Variants in CREG2 observed in about 807,000 individuals in gnomAD.
CREG2 encodes protein CREG2.
Under a neutral mutation model 26.2 loss-of-function variants are expected in CREG2, and 24 were observed. The ratio of observed to expected loss-of-function variants is 0.92; its 90% CI spans 0.66 to 1.29. The LOEUF (loss-of-function observed/expected upper bound fraction) is 1.29, where lower values mean the gene tolerates loss of function less well. CREG2 is among the 50% of genes most tolerant of loss of function. The pLI, the probability that CREG2 is intolerant of heterozygous loss-of-function variation, is 0.00. For synonymous variants in CREG2, 174 were observed against 169.2 expected (o/e 1.03, Z -0.22); for missense variants, 366 against 398.6 (o/e 0.92, Z 0.70).
At chr2:101,356,782 C>G (rs1045156722) in intron 2 of CREG2, among the ~76,000 whole-genome samples, 1 of 152,110 alleles carries the variant, frequency 6.6e-6, no homozygotes, top group African/African-American at 2.4e-5. Context: ...GTAGTGTGAT[C>G]ATATTTGTGA....
chr2:101,385,743 T>C (rs141347598), intron 1 of CREG2, among the ~76,000 whole-genome samples: 22 of 152,362 alleles, frequency 1.4e-4, no homozygotes, highest in Non-Finnish European at 2.8e-4. Context: ...CAGCTTGTCA[T>C]AGCTGCCCAG....
intron 2 of CREG2, among the ~76,000 whole-genome samples, chr2:101,357,892 G>C (rs1684484976): frequency 6.6e-6 from 1 of 151,090 alleles, no homozygotes; most frequent in Non-Finnish European, 1.5e-5. Flanking sequence ...CGGGAGAATG[G>C]CGTGATCCTG....
At chr2:101,368,682 G>C (rs748101624) in intron 2 of CREG2, among the ~76,000 whole-genome samples, 5 of 152,216 alleles carry the variant, frequency 3.3e-5, no homozygotes, top group South Asian at 2.1e-4. Flanking sequence ...CAGATAAGGT[G>C]GTGGGCAGGG....
At position 101,345,946 on chromosome 2, in the gene CREG2, CT is replaced by C. The variant is rs907697656; in HGVS notation, c.*4976del. 4.7e-5 allele frequency: 7 copies of C among 148,928 alleles called. No individual in the cohort carries two copies. Among genetic ancestry groups the C allele is most frequent in the African/African-American group, 7.5e-5 (3 of 40,268 alleles). 9.2% of individuals were successfully genotyped at this position (148,928 alleles called of 1,614,324 possible). A position where few individuals can be genotyped will look rare whatever the true frequency, so the allele number is the denominator to read the frequency against. On this transcript the variant is annotated 3_prime_UTR_variant, in exon 4 of 4. Coordinates refer to ENST00000324768, the MANE Select transcript of CREG2 (RefSeq NM_153836.4). ...CAAAGCAATCCTCCCACCTCAGCCTCTTGAGTAGCTAGAACTACAGGTGTGC... is the reference window on the plus strand; with the variant it reads ...CAAAGCAATCCTCCCACCTCAGCCTCTGAGTAGCTAGAACTACAGGTGTGC...
At chr2:101,381,812 T>G (rs933010444) in intron 2 of CREG2, among the ~76,000 whole-genome samples, 2 of 152,176 alleles carry the variant, frequency 1.3e-5, no homozygotes, top group Non-Finnish European at 2.9e-5. Context: ...CACAGGTGTT[T>G]GCGTGTCCTA....
intron 2 of CREG2, among the ~76,000 whole-genome samples, chr2:101,379,154 G>GC (rs1446695348): frequency 6.6e-6 from 1 of 152,146 alleles, no homozygotes; most frequent in Non-Finnish European, 1.5e-5. Flanking sequence ...CAATTATTAT[G>GC]CCCTGGGGTG....
rs564051181 is a variant in CREG2 at position 101,382,472 on chromosome 2, G to A, written c.611+1061C>T. Reference sequence around the variant, plus strand: ...AAGAAAAGAAAAGAAAGGTATCCTGGAAATGTACTTCTAGTAACAGTAAGC... The same window carrying A: ...AAGAAAAGAAAAGAAAGGTATCCTGAAAATGTACTTCTAGTAACAGTAAGC... On this transcript the variant is annotated intron_variant, in intron 2 of 3. Coordinates refer to ENST00000324768, the MANE Select transcript of CREG2 (RefSeq NM_153836.4). 1.3e-4 allele frequency: 125 copies of A among 978,494 alleles called. No individual in the cohort carries two copies. In the African/African-American group the frequency reaches 2.1e-3, roughly 16 times the overall value. The allele number at this position is 978,494 out of a possible 1,614,324, so 60.6% of individuals were successfully genotyped here.
At position 101,387,252 on chromosome 2, in the gene CREG2, ATGC is replaced by A. The variant is rs1188447719; in HGVS notation, c.203_205del (p.Ser68del). 2.7e-6 allele frequency: 4 copies of A among 1,456,766 alleles called. No homozygotes were observed. In the African/African-American group the frequency reaches 5.9e-5, roughly 21 times the overall value. The allele number at this position is 1,456,766 out of a possible 1,614,324, so 90.2% of individuals were successfully genotyped here. On this transcript the variant is annotated inframe_deletion, in exon 1 of 4. Transcript: ENST00000324768. This position sits in a 1 kb window ranked among gnomAD's most constrained non-coding sequence, Gnocchi z 4.7. ...AGAGGCGGGGAAGCTTTGCTGCCAG[ATGC>A]TGCCCGAATCCTCTAGCAGCGCGGG...
intron 2 of CREG2, among the ~76,000 whole-genome samples, chr2:101,378,195 C>T (rs1336697591): frequency 1.3e-5 from 2 of 152,224 alleles, no homozygotes; most frequent in East Asian, 1.9e-4. Flanking sequence ...TTAGATTCCA[C>T]ATATAAGTGA....
intron 2 of CREG2, among the ~76,000 whole-genome samples, chr2:101,375,104 C>T (rs1267538624): frequency 3.3e-5 from 5 of 152,270 alleles, no homozygotes; most frequent in Admixed American, 2.0e-4. Flanking sequence ...TCTACGTCCC[C>T]GCACACTATC....
At chr2:101,360,917 G>T (rs1262956917) in intron 2 of CREG2, among the ~76,000 whole-genome samples, 3 of 152,124 alleles carry the variant, frequency 2.0e-5, no homozygotes, top group African/African-American at 4.8e-5. Flanking sequence ...TAGGAGAAAA[G>T]AAGTAAAAAT....
chr2:101,384,416 C>G (rs1208366932), intron 1 of CREG2, among the ~76,000 whole-genome samples: 1 of 152,170 alleles, frequency 6.6e-6, no homozygotes, highest in Non-Finnish European at 1.5e-5. Context: ...ATCCATCCCT[C>G]CAAATCTCAT....
At position 101,349,794 on chromosome 2, in the gene CREG2, C is replaced by CT. The variant is rs1460474610; in HGVS notation, c.*1128dup. 1 of 151,040 alleles carries CT rather than the reference C, an allele frequency of 6.6e-6. No homozygotes were observed. The highest frequency in any genetic ancestry group is 2.4e-5 in the African/African-American group (1 of 41,018). 9.4% of individuals were successfully genotyped at this position (151,040 alleles called of 1,614,324 possible). On this transcript the variant is annotated 3_prime_UTR_variant, in exon 4 of 4. Coordinates refer to ENST00000324768, the MANE Select transcript of CREG2 (RefSeq NM_153836.4). Reference sequence around the variant, plus strand: ...ATCATCTCCAGGCAAGCTAGTCCTTCTTTTTTACAATCACTTTACTGATTT... The same window carrying CT: ...ATCATCTCCAGGCAAGCTAGTCCTTCTTTTTTTACAATCACTTTACTGATTT...
At position 101,359,022 on chromosome 2, in the gene CREG2, G is replaced by A. The variant is rs796087593; in HGVS notation, c.612-3656C>T. On this transcript the variant is annotated intron_variant, in intron 2 of 3. Transcript: ENST00000324768. ...TGCACTCCAGCCTGGGCGACAGAGC[G>A]AGACTCCGTCTCAAAAAAAAAAAAA... Among the ~76,000 whole-genome samples, 95 of 12,094 alleles carry A rather than the reference G, an allele frequency of 7.9e-3. 9 individuals are homozygous for A. Among genetic ancestry groups the A allele is most frequent in the African/African-American group, 0.012 (92 of 7,982 alleles). 7.9% of individuals were successfully genotyped at this position (12,094 alleles called of 152,430 possible). A position where few individuals can be genotyped will look rare whatever the true frequency, so the allele number is the denominator to read the frequency against.
At chr2:101,367,522 T>C (rs1028827989) in intron 2 of CREG2, among the ~76,000 whole-genome samples, 1 of 152,244 alleles carries the variant, frequency 6.6e-6, no homozygotes, top group Admixed American at 6.5e-5. Context: ...TAAATCACCA[T>C]GTTTCTATCT....
rs1287297818 is a variant in CREG2, at chr2:101,370,903, T to C, written c.611+12630A>G. On this transcript the variant is annotated intron_variant, in intron 2 of 3. Transcript: ENST00000324768. ...TCAGGATCAGGTGATCCTCTGGGAC[T>C]GAAACGGGGCACGCTGGCAGCTCCC... Among the ~76,000 whole-genome samples the C allele has an allele frequency of 2.6e-5, 4 of 152,178 alleles. No individual in the cohort carries two copies. The East Asian group carries it at 7.7e-4, about 29-fold the overall frequency.
At chr2:101,376,381 G>C (rs1052314830) in intron 2 of CREG2, among the ~76,000 whole-genome samples, 1 of 151,766 alleles carries the variant, frequency 6.6e-6, no homozygotes, top group Admixed American at 6.6e-5. Context: ...GGGTTCAAGC[G>C]ATTCTCATGC....
intron 2 of CREG2, chr2:101,383,111 A>G: frequency 3.6e-6 from 2 of 561,166 alleles, no homozygotes; most frequent in Non-Finnish European, 4.6e-6. Flanking sequence ...AATTGGAAAG[A>G]CAATATATAG....
rs1367037718 is a variant in CREG2 at position 101,364,059 on chromosome 2, CCTTGCA to C, written c.612-8699_612-8694del. Among the ~76,000 whole-genome samples, 3 of 152,296 alleles carry C rather than the reference CCTTGCA, an allele frequency of 2.0e-5. No homozygotes were observed. The East Asian group carries it at 5.8e-4, about 29-fold the overall frequency. ...GAAACCGGGTTGAGGGGCTCTATCT[CCTTGCA>C]CTTGGTTGGCAGGGGTCAGGAATTC... is the stretch of plus-strand genomic sequence containing the variant. On this transcript the variant is annotated intron_variant, in intron 2 of 3. Transcript: ENST00000324768.
Sources: gnomAD v4.1 joint callset for allele counts (sites outside exome capture counted in the v4.1 genomes callset) on GRCh38, gnomAD v4.1.1 for gene constraint, Gnocchi (gnomAD v3.1) non-coding constraint, MANE v1.5 for transcripts, NCBI Gene and HGNC (gene_info 2026-07-23, HGNC 2026-07-21) for gene names.